SWT1: variants seen among roughly 807,000 people sequenced by gnomAD.
SWT1 encodes transcriptional protein SWT1.
Under a neutral mutation model 107.3 loss-of-function variants are expected in SWT1, and 33 were observed. The ratio of observed to expected loss-of-function variants is 0.31; its 90% CI spans 0.23 to 0.41. The LOEUF (loss-of-function observed/expected upper bound fraction) is 0.41. Ranked by LOEUF, SWT1 falls within the 10% of genes least tolerant of loss-of-function variation. The pLI is 1.00. For missense variants in SWT1, 898 were observed against 1,028.9 expected (o/e 0.87, Z 1.74); for synonymous variants, 345 against 348.3 (o/e 0.99, Z 0.11).
intron 16 of SWT1, among the ~76,000 whole-genome samples, chr1:185,235,592 C>A (rs186935466): frequency 6.6e-6 from 1 of 152,060 alleles, no homozygotes. Flanking sequence ...TACGACAAAC[C>A]CATAGCCAGT....
chr1:185,261,964 T>C (rs898343181), intron 16 of SWT1, among the ~76,000 whole-genome samples: 3 of 152,114 alleles, frequency 2.0e-5, no homozygotes, highest in African/African-American at 7.2e-5. Context: ...TCAGCCTTGA[T>C]TGGGTATATT....
At chr1:185,224,959 C>G (rs1659941235) in intron 15 of SWT1, among the ~76,000 whole-genome samples, 1 of 152,044 alleles carries the variant, frequency 6.6e-6, no homozygotes. Context: ...CTTTCCTTTT[C>G]TTGCCTAATT....
intron 4 of SWT1, chr1:185,171,750 T>G: frequency 2.3e-6 from 1 of 429,342 alleles, no homozygotes; most frequent in South Asian, 1.7e-5. Context: ...TTTTTTCTGT[T>G]GCCTAGGCTG....
chr1:185,179,937 G>A (rs1218867634), intron 5 of SWT1, among the ~76,000 whole-genome samples: 1 of 152,200 alleles, frequency 6.6e-6, no homozygotes, highest in Non-Finnish European at 1.5e-5. Context: ...TGTAATCCCA[G>A]TACTTCGGGA....
intron 14 of SWT1, among the ~76,000 whole-genome samples, chr1:185,216,321 A>G (rs921905052): frequency 3.9e-5 from 6 of 152,180 alleles, no homozygotes; most frequent in African/African-American, 1.4e-4. Context: ...AGAGGGTTAT[A>G]GCATGAGTAT....
intron 16 of SWT1, among the ~76,000 whole-genome samples, chr1:185,268,849 TTC>T (rs1477589178): frequency 6.7e-6 from 1 of 148,810 alleles, no homozygotes; most frequent in Non-Finnish European, 1.5e-5. Context: ...TTCTTTCTTT[TTC>T]TCTTTTTTTT....
intron 14 of SWT1, among the ~76,000 whole-genome samples, chr1:185,217,768 G>A (rs542254525): frequency 2.4e-4 from 36 of 152,202 alleles, no homozygotes; most frequent in African/African-American, 8.4e-4. Flanking sequence ...GCTAATTTTT[G>A]TATTTTTAGT....
At chr1:185,226,138 A>G (rs967078377) in intron 15 of SWT1, among the ~76,000 whole-genome samples, 2 of 152,190 alleles carry the variant, frequency 1.3e-5, no homozygotes, top group African/African-American at 4.8e-5. Context: ...AACTATATCT[A>G]AGATATTTTA....
chr1:185,276,596 C>T lies in SWT1; in HGVS notation c.2509-8C>T. The T allele has an allele frequency of 2.0e-6, 3 of 1,532,650 alleles. No homozygotes were observed. The highest frequency in any genetic ancestry group is 1.8e-6 in the Non-Finnish European group (2 of 1,113,680). The allele number at this position is 1,532,650 out of a possible 1,614,324, so 94.9% of individuals were successfully genotyped here. The stretch of plus-strand genomic sequence containing the variant: ...TATTTTTAATAACTATATCTTGGTT[C>T]CTTTCAGGTAAATAAAAATGTCAAA... On this transcript the variant is annotated splice_region_variant and splice_polypyrimidine_tract_variant and intron_variant, in intron 17 of 18. Transcript: ENST00000367500.
At chr1:185,197,137 C>T (rs928244836) in intron 10 of SWT1, among the ~76,000 whole-genome samples, 7 of 152,118 alleles carry the variant, frequency 4.6e-5, no homozygotes, top group South Asian at 4.2e-4. Context: ...ATCTCAAACT[C>T]GTTCCACCGA....
At chr1:185,162,965 G>A (rs1016068444) in intron 2 of SWT1, among the ~76,000 whole-genome samples, 6 of 151,916 alleles carry the variant, frequency 3.9e-5, no homozygotes, top group Non-Finnish European at 5.9e-5. Flanking sequence ...ATCTCTAAAA[G>A]TAGTAATAAT....
intron 18 of SWT1, among the ~76,000 whole-genome samples, chr1:185,284,657 A>G (rs1034946548): frequency 1.2e-4 from 18 of 152,184 alleles, no homozygotes; most frequent in African/African-American, 3.1e-4. Context: ...TAGTTGACAG[A>G]TATATCATTG....
intron 16 of SWT1, among the ~76,000 whole-genome samples, chr1:185,244,489 A>AT (rs1661464277): frequency 6.6e-6 from 1 of 152,166 alleles, no homozygotes; most frequent in East Asian, 1.9e-4. Flanking sequence ...GGTATAAAAG[A>AT]TAAAAAAAAG....
At chr1:185,220,939 T>C (rs531178930) in intron 14 of SWT1, among the ~76,000 whole-genome samples, 1 of 152,332 alleles carries the variant, frequency 6.6e-6, no homozygotes, top group Non-Finnish European at 1.5e-5. Context: ...ATGTGAGACG[T>C]ATTGCTTCCG....
At chr1:185,168,300 C>A (rs1403508581) in intron 3 of SWT1, 40 bp from the exon 4 acceptor site, 3 of 996,096 alleles carry the variant, frequency 3.0e-6, no homozygotes, top group East Asian at 3.7e-5. Context: ...AAAATATGTA[C>A]CAGTGCACAA....
intron 16 of SWT1, among the ~76,000 whole-genome samples, chr1:185,241,930 G>A (rs1661278783): frequency 6.6e-6 from 1 of 152,162 alleles, no homozygotes; most frequent in South Asian, 2.1e-4. Context: ...TATGTCTGGA[G>A]CAGATGATGG....
intron 15 of SWT1, 29 bp downstream of exon 15, chr1:185,222,065 G>C: frequency 7.2e-7 from 1 of 1,397,472 alleles, no homozygotes; most frequent in Non-Finnish European, 9.5e-7. Flanking sequence ...TTTTTTTTTA[G>C]TTATTTTTTA....
chr1:185,253,612 T>G (rs1662231958), intron 16 of SWT1, among the ~76,000 whole-genome samples: 1 of 151,714 alleles, frequency 6.6e-6, no homozygotes, highest in Non-Finnish European at 1.5e-5. Flanking sequence ...ATGCTTGTGA[T>G]TTTTGTACAT....
chr1:185,203,551 G>A (rs1658060483), intron 11 of SWT1, among the ~76,000 whole-genome samples: 1 of 151,754 alleles, frequency 6.6e-6, no homozygotes, highest in Non-Finnish European at 1.5e-5. Flanking sequence ...AACCCAAGAG[G>A]TGGAGGTTGC....
Sources: gnomAD v4.1 joint callset for allele counts (sites outside exome capture counted in the v4.1 genomes callset) on GRCh38, gnomAD v4.1.1 for gene constraint, MANE v1.5 for transcripts, NCBI Gene and HGNC (gene_info 2026-07-23, HGNC 2026-07-21) for gene names.